The following CELF2 variants were observed in gnomAD, a reference collection of about 807,000 sequenced individuals.
CELF2 encodes CUG triplet repeat RNA-binding protein 2.
A neutral mutation model predicts 62.6 loss-of-function variants in CELF2; 8 were observed. The ratio of observed to expected loss-of-function variants is 0.13; its 90% confidence interval spans 0.07 to 0.23. The LOEUF (loss-of-function observed/expected upper bound fraction) is 0.23. CELF2 is among the 10% of genes least tolerant of loss of function. CELF2 has a pLI of 1.00. For missense variants in CELF2, 333 were observed against 671.0 expected (o/e 0.50, Z 5.56); for synonymous variants, 258 against 250.0 (o/e 1.03, Z -0.30).
At chr10:10,901,890 A>C (rs889458634) in intron 1 of CELF2, among the ~76,000 whole-genome samples, 1 of 152,224 alleles carries the variant, frequency 6.6e-6, no homozygotes, top group Non-Finnish European at 1.5e-5. Context: ...TAAGAAAAGA[A>C]GCAACCCATT....
the CELF2 span, among the ~76,000 whole-genome samples, chr10:10,609,270 A>G: frequency 6.6e-6 from 1 of 152,184 alleles, no homozygotes; most frequent in Non-Finnish European, 1.5e-5. Context: ...CTCAATAAAC[A>G]TTCTGCTTTG....
chr10:10,601,263 G>C, the CELF2 span, among the ~76,000 whole-genome samples: 1 of 152,126 alleles, frequency 6.6e-6, no homozygotes, highest in Non-Finnish European at 1.5e-5. Flanking sequence ...AGCCCTAAGG[G>C]GGAATGGAGG....
chr10:11,092,060 T>C (rs2048473428), intron 1 of CELF2, among the ~76,000 whole-genome samples: 1 of 102,128 alleles, frequency 9.8e-6, no homozygotes, highest in Non-Finnish European at 2.5e-5. Context: ...ATTTAATCTG[T>C]AACTTCTAAT....
At chr10:10,853,951 C>A (rs2132893229) in intron 1 of CELF2, among the ~76,000 whole-genome samples, 1 of 152,282 alleles carries the variant, frequency 6.6e-6, no homozygotes, top group Admixed American at 6.5e-5. Context: ...TTAAAGAGTG[C>A]TCCGGATGCA....
At chr10:10,874,202 T>G (rs932811773) in intron 1 of CELF2, among the ~76,000 whole-genome samples, 3 of 152,024 alleles carry the variant, frequency 2.0e-5, no homozygotes, top group African/African-American at 7.2e-5. Context: ...GCCTTAATCC[T>G]AACTACTTGG....
At chr10:10,749,160 G>A in the CELF2 span, among the ~76,000 whole-genome samples, 20 of 152,172 alleles carry the variant, frequency 1.3e-4, no homozygotes, top group African/African-American at 2.7e-4. Context: ...TGTATTATTC[G>A]TCTAGAAATG....
upstream of CELF2, chr10:11,005,287 A>AGAGGGAGG (rs2055024104): frequency 6.4e-7 from 1 of 1,561,534 alleles, no homozygotes; most frequent in East Asian, 2.2e-5. The surrounding 1 kb of genome is among the most constrained non-coding windows in gnomAD (Gnocchi z 4.3). Flanking sequence ...AGAGAGAGAG[A>AGAGGGAGG]GAGAGAGGGA....
chr10:10,624,374 T>A, the CELF2 span, among the ~76,000 whole-genome samples: 1 of 152,216 alleles, frequency 6.6e-6, no homozygotes, highest in East Asian at 1.9e-4. Flanking sequence ...GTCACAGTCA[T>A]GCTTCGATGG....
intron 1 of CELF2, among the ~76,000 whole-genome samples, chr10:11,079,755 T>C (rs1447311726): frequency 7.3e-6 from 1 of 137,196 alleles, no homozygotes; most frequent in African/African-American, 2.7e-5. Flanking sequence ...CCCCCCCCTT[T>C]TTAGGCCATG....
chr10:11,013,959 T>C (rs2056867231), upstream of CELF2, among the ~76,000 whole-genome samples: 1 of 152,196 alleles, frequency 6.6e-6, no homozygotes, highest in Non-Finnish European at 1.5e-5. This position sits in a 1 kb window ranked among gnomAD's most constrained non-coding sequence, Gnocchi z 4.1. Context: ...AACAAACACA[T>C]GGTCACAAAG....
chr10:10,482,055 G>T, the CELF2 span, among the ~76,000 whole-genome samples: 1 of 152,160 alleles, frequency 6.6e-6, no homozygotes. Context: ...GATAGAAATT[G>T]CTATAATAGG....
chr10:11,287,104 AGC>A (rs1441544253), intron 8 of CELF2, among the ~76,000 whole-genome samples: 1 of 152,162 alleles, frequency 6.6e-6, no homozygotes, highest in Non-Finnish European at 1.5e-5. Context: ...TCCCTCCACC[AGC>A]GCCCCTACAC....
the CELF2 span, among the ~76,000 whole-genome samples, chr10:10,750,277 T>C: frequency 6.9e-6 from 1 of 145,974 alleles, no homozygotes; most frequent in Admixed American, 7.1e-5. Flanking sequence ...TGAAACTCCA[T>C]CTCAAAGAAA....
chr10:10,967,470 G>A (rs1204944060), intron 2 of CELF2, among the ~76,000 whole-genome samples: 2 of 152,066 alleles, frequency 1.3e-5, no homozygotes, highest in Non-Finnish European at 2.9e-5. Flanking sequence ...GGCATCGAGA[G>A]GGAAATAAAC....
chr10:11,217,785 G>C lies in CELF2; in HGVS notation c.354+278G>C, dbSNP rs1364408074. ...CAGCCACGGCTGCCAAAGAGTATTG[G>C]GTGGGCTAAGATTTTAAAAGGAAAA... On this transcript the variant is annotated intron_variant, in intron 3 of 12. Coordinates refer to ENST00000633077, the MANE Select transcript of CELF2 (RefSeq NM_001326342.2). This position sits in a 1 kb window ranked among gnomAD's most constrained non-coding sequence, Gnocchi z 5.6. Among the ~76,000 whole-genome samples the C allele has an allele frequency of 6.6e-6, 1 of 152,064 alleles. No individual in the cohort carries two copies. The highest frequency in any genetic ancestry group is 1.5e-5 in the Non-Finnish European group (1 of 68,012).
rs541261914 is a variant in CELF2, at chr10:11,178,763, A to C, written c.271+13081A>C. On this transcript the variant is annotated intron_variant, in intron 2 of 12. Transcript: ENST00000633077. The surrounding 1 kb of genome is among the most constrained non-coding windows in gnomAD (Gnocchi z 4.3). ...ACGGCTAGAATGCTCAGGAGATAAG[A>C]GTGGGGCCTATCGCTCTGTGGCTTT... Among the ~76,000 whole-genome samples the C allele has an allele frequency of 6.6e-6, 1 of 152,316 alleles. No homozygotes were observed. Among genetic ancestry groups the C allele is most frequent in the East Asian group, 1.9e-4 (1 of 5,184 alleles).
rs372420578 is a variant in CELF2, at chr10:11,156,796, G to A, written c.75-8690G>A. Among the ~76,000 whole-genome samples the A allele has an allele frequency of 1.4e-4, 21 of 152,168 alleles. No individual in the cohort carries two copies. The highest frequency in any genetic ancestry group is 2.5e-4 in the Non-Finnish European group (17 of 68,032). On this transcript the variant is annotated intron_variant, in intron 1 of 12. Transcript: ENST00000633077. The surrounding 1 kb of genome is among the most constrained non-coding windows in gnomAD (Gnocchi z 4.3). Reference sequence around the variant, plus strand: ...AGCAAGCAGCCAGTCCGCATTACACGCATGTTCTGTGTGCAGCACTGTTTC... The same window carrying A: ...AGCAAGCAGCCAGTCCGCATTACACACATGTTCTGTGTGCAGCACTGTTTC...
At chr10:11,265,838 T>C (rs1433078572) in intron 5 of CELF2, among the ~76,000 whole-genome samples, 6 of 152,248 alleles carry the variant, frequency 3.9e-5, no homozygotes, top group African/African-American at 1.2e-4. Context: ...AGAACTAAGG[T>C]CAAATCTTTG....
intron 1 of CELF2, among the ~76,000 whole-genome samples, chr10:11,007,340 A>G (rs1379406931): frequency 6.6e-6 from 1 of 152,228 alleles, no homozygotes; most frequent in Middle Eastern, 3.2e-3. Context: ...GCTATTTTTT[A>G]GAATTTGGAC....
Sources: gnomAD v4.1 joint callset for allele counts (sites outside exome capture counted in the v4.1 genomes callset) on GRCh38, gnomAD v4.1.1 for gene constraint, Gnocchi (gnomAD v3.1) non-coding constraint, MANE v1.5 for transcripts, NCBI Gene and HGNC (gene_info 2026-07-23, HGNC 2026-07-21) for gene names.